Variants in CHN2 observed in about 807,000 individuals in gnomAD.
The protein encoded by CHN2 is chimerin 2, also known as beta-chimaerin.
In CHN2, 35 loss-of-function variants were observed where a neutral mutation model predicts 56.3. That is an observed-to-expected ratio of 0.62 (90% CI 0.47 to 0.82). The LOEUF (loss-of-function observed/expected upper bound fraction) is 0.82, where lower values mean the gene tolerates loss of function less well. CHN2 is among the 40% of genes least tolerant of loss of function. CHN2 has a pLI of 0.00. For missense variants in CHN2, 491 were observed against 580.5 expected, an observed-to-expected ratio of 0.85 and a Z score of 1.58; for synonymous variants, 210 against 212.8, an observed-to-expected ratio of 0.99 and a Z score of 0.12.
intron 1 of CHN2, among the ~76,000 whole-genome samples, chr7:29,243,523 C>T (rs1482224399): frequency 7.2e-5 from 11 of 152,182 alleles, no homozygotes; most frequent in African/African-American, 7.2e-5. Flanking sequence ...TTTTTACATT[C>T]GGATTTTAAT....
chr7:29,336,799 G>T (rs1796662262), intron 1 of CHN2, among the ~76,000 whole-genome samples: 1 of 121,584 alleles, frequency 8.2e-6, no homozygotes, highest in Admixed American at 8.8e-5. Flanking sequence ...AGCTTCACAT[G>T]CAAACCAGAA....
At chr7:29,180,496 GGCGACAGA>G (rs1307727745) in intron 2 of CHN2, among the ~76,000 whole-genome samples, 81 of 151,840 alleles carry the variant, frequency 5.3e-4, no homozygotes, top group African/African-American at 1.8e-3. Context: ...CACTGCACTG[GGCGACAGA>G]GCGACAGAGC....
At chr7:29,186,455 C>G (rs1449530410) in intron 2 of CHN2, 1 of 152,028 alleles carries the variant, frequency 6.6e-6, no homozygotes, top group East Asian at 1.9e-4. Context: ...GCCTGTAGTC[C>G]CAGCTGCTTG....
intron 2 of CHN2, among the ~76,000 whole-genome samples, 156 bp downstream of exon 2, chr7:29,354,819 C>T (rs10215545): frequency 7.2e-5 from 11 of 151,864 alleles, no homozygotes; most frequent in Middle Eastern, 3.4e-3. Context: ...TAGTCAGAGA[C>T]GATTAACAGA....
rs1270743194 is a variant in CHN2 at position 29,205,031 on chromosome 7, A to G, written c.49+10041A>G. On this transcript the variant is annotated intron_variant, in intron 1 of 12. Coordinates refer to ENST00000222792, the MANE Select transcript of CHN2 (RefSeq NM_004067.4). ...TTCCGCATTCTAAAGTAATAGCAGT[A>G]AGGGTATTTTGTAAAAATGCACAAC... 2.6e-5 allele frequency among the ~76,000 whole-genome samples: 4 copies of G among 152,366 alleles called. No homozygotes were observed. The East Asian group carries it at 7.7e-4, about 29-fold the overall frequency.
intron 1 of CHN2, among the ~76,000 whole-genome samples, chr7:29,349,194 T>G (rs966812551): frequency 1.3e-5 from 2 of 152,190 alleles, no homozygotes; most frequent in African/African-American, 4.8e-5. Flanking sequence ...TCTGGAGTAA[T>G]CTCTCTTTTG....
rs142239018 is a variant in CHN2, at chr7:29,329,414, G to A, written c.50-25211G>A. ...AAAAAAAAAAAAAAGTCAGCAATTG[G>A]GACAGTGTGCCCTTCATAATAGAAC... is the stretch of plus-strand genomic sequence containing the variant. On this transcript the variant is annotated intron_variant, in intron 1 of 12. Transcript: ENST00000222792. 4.5e-3 allele frequency among the ~76,000 whole-genome samples: 599 copies of A among 134,292 alleles called. 5 individuals carry two copies. Among genetic ancestry groups the A allele is most frequent in the African/African-American group, 0.017 (581 of 35,130 alleles). 88.1% of individuals were successfully genotyped at this position (134,292 alleles called of 152,430 possible).
At chr7:29,332,122 G>A (rs1370234789) in intron 1 of CHN2, among the ~76,000 whole-genome samples, 1 of 152,092 alleles carries the variant, frequency 6.6e-6, no homozygotes, top group East Asian at 1.9e-4. Flanking sequence ...ATCCAAAGGA[G>A]AAAATAAACA....
chr7:29,324,104 A>C (rs1795607389), intron 1 of CHN2, among the ~76,000 whole-genome samples: 1 of 152,110 alleles, frequency 6.6e-6, no homozygotes, highest in South Asian at 2.1e-4. Context: ...GGGGGCGGGC[A>C]CAGGAGTGGG....
chr7:29,277,721 A>C (rs1791351440), intron 1 of CHN2, among the ~76,000 whole-genome samples: 1 of 152,162 alleles, frequency 6.6e-6, no homozygotes, highest in South Asian at 2.1e-4. Context: ...CAGCGTCTTC[A>C]AGGCAGTTTC....
chr7:29,341,376 T>C (rs1483137021), intron 1 of CHN2, among the ~76,000 whole-genome samples: 2 of 152,172 alleles, frequency 1.3e-5, no homozygotes, highest in African/African-American at 4.8e-5. Context: ...TACAATTATA[T>C]TAACCGCACC....
At chr7:29,413,391 CA>C (rs1237616436) in intron 6 of CHN2, among the ~76,000 whole-genome samples, 1 of 152,166 alleles carries the variant, frequency 6.6e-6, no homozygotes. Context: ...ACACCTTTAA[CA>C]GAGTAAAAGC....
intron 6 of CHN2, among the ~76,000 whole-genome samples, chr7:29,478,164 T>C (rs561140873): frequency 6.6e-6 from 1 of 152,140 alleles, no homozygotes; most frequent in South Asian, 2.1e-4. Flanking sequence ...AGAATCAGAA[T>C]GTAAATGTTG....
intron 3 of CHN2, among the ~76,000 whole-genome samples, chr7:29,391,703 A>G (rs1413812205): frequency 1.3e-5 from 2 of 152,120 alleles, no homozygotes; most frequent in Non-Finnish European, 2.9e-5. Flanking sequence ...TTTCTCCTTA[A>G]GCGTTTCCCT....
At chr7:29,314,170 C>T (rs138585872) in intron 1 of CHN2, among the ~76,000 whole-genome samples, 128 of 152,248 alleles carry the variant, frequency 8.4e-4, no homozygotes, top group African/African-American at 2.9e-3. Context: ...ACTGAACAAA[C>T]AAAATATGGA....
At chr7:29,484,283 T>C (rs1326555249) in intron 7 of CHN2, among the ~76,000 whole-genome samples, 3 of 152,244 alleles carry the variant, frequency 2.0e-5, no homozygotes, top group Non-Finnish European at 4.4e-5. Context: ...CACACATTTT[T>C]CTCCTAGCTT....
At chr7:29,234,054 C>G (rs530893649) in intron 1 of CHN2, among the ~76,000 whole-genome samples, 34 of 150,762 alleles carry the variant, frequency 2.3e-4, no homozygotes, top group Non-Finnish European at 4.6e-4. Context: ...GGGATGGTCT[C>G]GATCTCCTGA....
At chr7:29,299,897 A>T (rs1237727088) in intron 1 of CHN2, among the ~76,000 whole-genome samples, 1 of 152,186 alleles carries the variant, frequency 6.6e-6, no homozygotes, top group Non-Finnish European at 1.5e-5. Flanking sequence ...GACCTGGAGG[A>T]TGAAGCAACT....
chr7:29,427,312 C>T (rs891253732), intron 6 of CHN2, among the ~76,000 whole-genome samples: 2 of 152,086 alleles, frequency 1.3e-5, no homozygotes, highest in African/African-American at 4.8e-5. Context: ...GTAAGACTGT[C>T]TCAAAATAAA....
Sources: allele counts gnomAD v4.1 joint callset (sites outside exome capture counted in the v4.1 genomes callset), GRCh38; gene constraint gnomAD v4.1.1; transcripts MANE v1.5; gene names NCBI Gene and HGNC (gene_info 2026-07-23, HGNC 2026-07-21).